KMT2B: variants seen among roughly 807,000 people sequenced by gnomAD.
KMT2B encodes the protein lysine methyltransferase 2B, also known as histone-lysine N-methyltransferase 2B.
KMT2B carries 22 observed loss-of-function variants against 255.3 expected under a neutral mutation model. That is an observed-to-expected ratio of 0.09 (90% CI 0.06 to 0.12). The LOEUF (loss-of-function observed/expected upper bound fraction) is 0.12, where lower values mean the gene tolerates loss of function less well. Ranked by LOEUF, KMT2B falls within the 10% of genes least tolerant of loss-of-function variation. The pLI, the probability that KMT2B is intolerant of heterozygous loss-of-function variation, is 1.00. For synonymous variants in KMT2B, 1,730 were observed against 1,498.1 expected (o/e 1.15, Z -3.57); for missense variants, 3,149 against 3,737.0 (o/e 0.84, Z 4.10).
Position 35,721,793 on chromosome 19 carries a change from G to A in KMT2B, c.2446G>A (p.Ala816Thr), listed in dbSNP as rs988492684. The A allele has an allele frequency of 6.3e-7, 1 of 1,588,400 alleles. No homozygotes were observed. The highest frequency in any genetic ancestry group is 1.3e-5 in the African/African-American group (1 of 74,750). The change falls in exon 3 of 37, where the codon GCT (alanine) becomes ACT (threonine). Residue 816 changes from alanine to threonine, a missense_variant. Transcript: ENST00000420124. ...IDQQQQQKVAASMPLSPGGQM... is the reference protein window; with the variant it reads ...IDQQQQQKVATSMPLSPGGQM... ...TCAGCAGCAGCAGCAGAAGGTGGCA[G>A]CTTCCATGCCGGTGAGTGTGGTCCC...
In KMT2B at chr19:35,732,145, G is replaced by C. The variant is rs781171331; in HGVS notation, c.5665+10G>C. The C allele has an allele frequency of 6.3e-7, 1 of 1,578,648 alleles. No individual in the cohort carries two copies. Among genetic ancestry groups the C allele is most frequent in the South Asian group, 1.1e-5 (1 of 87,058 alleles). ...CCCCTGCCCTCCCCTGGTGAGCACC[G>C]GGCATGTGGGGGTTGGGGGTGGAGC... On this transcript the variant is annotated intron_variant, in intron 27 of 36. Coordinates refer to ENST00000420124, the MANE Select transcript of KMT2B (RefSeq NM_014727.3).
At position 35,718,105 on chromosome 19, in the gene KMT2B, G is replaced by C. The variant is rs1344578041; in HGVS notation, c.87G>C (p.Gly29=). The C allele has an allele frequency of 1.4e-5, 14 of 993,092 alleles. No homozygotes were observed. Among genetic ancestry groups the C allele is most frequent in the African/African-American group, 1.8e-5 (1 of 56,892 alleles). 61.5% of individuals were successfully genotyped at this position (993,092 alleles called of 1,614,324 possible). The change falls in exon 1 of 37, where the codon GGG becomes GGC. Residue 29 remains glycine (G), a synonymous_variant. Coordinates refer to ENST00000420124, the MANE Select transcript of KMT2B (RefSeq NM_014727.3). The surrounding 1 kb of genome is among the most constrained non-coding windows in gnomAD (Gnocchi z 5.0). ...CGGGCCGGCCGCGGGGCGCCGGCGGGGGCGGGGGCCGCGGCGGACGGGGCA... is the reference window on the plus strand; with the variant it reads ...CGGGCCGGCCGCGGGGCGCCGGCGGCGGCGGGGGCCGCGGCGGACGGGGCA... ...RFPGRPRGAG[G]GGGRGGRGNG...
At chr19:35,729,889 ATGCAGACTCAG>A in intron 22 of KMT2B, 67 bp from the exon 23 acceptor site, 1 of 1,426,230 alleles carries the variant, frequency 7.0e-7, no homozygotes, top group Non-Finnish European at 9.5e-7. Flanking sequence ...ACAGGGACCC[ATGCAGACTCAG>A]TGACAGTGGT....
Position 35,727,799 on chromosome 19 carries a change from AC to A in KMT2B, c.4392+14del, listed in dbSNP as rs2146456398. Reference sequence around the variant, plus strand: ...ACTACAAGTCTGTGGTGAGTGGTACACCAGGAGGAGCAGGTGGGTGGCAGGA... The same window carrying A: ...ACTACAAGTCTGTGGTGAGTGGTACACAGGAGGAGCAGGTGGGTGGCAGGA... On this transcript the variant is annotated intron_variant, in intron 17 of 36. Transcript: ENST00000420124. The surrounding 1 kb of genome is among the most constrained non-coding windows in gnomAD (Gnocchi z 4.2). The A allele has an allele frequency of 1.2e-6, 2 of 1,613,760 alleles. No individual in the cohort carries two copies. The highest frequency in any genetic ancestry group is 4.5e-5 in the East Asian group (2 of 44,882).
chr19:35,718,945 G>A lies in KMT2B; in HGVS notation c.364-524G>A, dbSNP rs1969070637. 6.6e-6 allele frequency among the ~76,000 whole-genome samples: 1 copy of A among 152,186 alleles called. No individual in the cohort carries two copies. The highest frequency in any genetic ancestry group is 1.5e-5 in the Non-Finnish European group (1 of 68,028). ...AGCTCAGCTCAGGATTTCTCCCCCA[G>A]CCTTTCAGAACAGGCAGGAAGGTGT... is the stretch of plus-strand genomic sequence containing the variant. On this transcript the variant is annotated intron_variant, in intron 1 of 36. Coordinates refer to ENST00000420124, the MANE Select transcript of KMT2B (RefSeq NM_014727.3). The surrounding 1 kb of genome is among the most constrained non-coding windows in gnomAD (Gnocchi z 5.0).
chr19:35,718,166 G>C lies in KMT2B; in HGVS notation c.148G>C (p.Gly50Arg). The change falls in exon 1 of 37, where the codon GGC (glycine) becomes CGC (arginine). Residue 50 changes from glycine (G) to arginine (R), a missense_variant. Gly to Arg is a moderately radical substitution (Grantham distance 125, BLOSUM62 -2). Around this residue, in one of 18 missense-constraint regions of KMT2B, gnomAD observed 1,188 missense variants for 1,106.4 expected, o/e 1.07. Coordinates refer to ENST00000420124, the MANE Select transcript of KMT2B (RefSeq NM_014727.3). The surrounding 1 kb of genome is among the most constrained non-coding windows in gnomAD (Gnocchi z 5.0). The part of the protein sequence containing the change: ...AERVRVALRR[G>R]GGATGPGGAE... ...AAGAGTGCGGGTAGCTCTGCGGCGC[G>C]GCGGTGGCGCGACGGGGCCGGGCGG... 9.2e-7 allele frequency: 1 copy of C among 1,083,650 alleles called. No individual in the cohort carries two copies. The highest frequency in any genetic ancestry group is 1.1e-6 in the Non-Finnish European group (1 of 894,496). The allele number at this position is 1,083,650 out of a possible 1,614,324, so 67.1% of individuals were successfully genotyped here.
Position 35,725,023 on chromosome 19 carries a change from C to T in KMT2B, c.3464C>T (p.Pro1155Leu), listed in dbSNP as rs1365241170. The T allele has an allele frequency of 1.2e-6, 2 of 1,613,810 alleles. No homozygotes were observed. The highest frequency in any genetic ancestry group is 2.2e-5 in the South Asian group (2 of 91,082). The change falls in exon 10 of 37, where the codon CCC (proline) becomes CTC (leucine). Residue 1155 changes from proline (P) to leucine (L), a missense_variant. Around this residue, in one of 18 missense-constraint regions of KMT2B, gnomAD observed 136 missense variants for 137.3 expected, o/e 0.99. Coordinates refer to ENST00000420124, the MANE Select transcript of KMT2B (RefSeq NM_014727.3). The surrounding 1 kb of genome is among the most constrained non-coding windows in gnomAD (Gnocchi z 4.1). ...GCCCCTGGCCCCTTTGCTTCTTTTC[C>T]CAATGGCTGGACTGGAAAGCAGAAG... ...ALAPGPFASF[P>L]NGWTGKQKSP...
In KMT2B at chr19:35,721,606, A is replaced by G. The variant is rs747889042; in HGVS notation, c.2259A>G (p.Leu753=). Residue 753 remains leucine, a synonymous_variant, in exon 3 of 37, where the codon CTA becomes CTG. Transcript: ENST00000420124. The part of the protein sequence containing the change: ...ALQTQLLPQA[L]PPPQPQLQPP... Reference sequence around the variant, plus strand: ...AAACCCAGCTCCTGCCCCAGGCACTACCGCCACCACAGCCACAGCTGCAGC... The same window carrying G: ...AAACCCAGCTCCTGCCCCAGGCACTGCCGCCACCACAGCCACAGCTGCAGC... The G allele has an allele frequency of 5.0e-6, 8 of 1,609,294 alleles. No individual in the cohort carries two copies. Among genetic ancestry groups the G allele is most frequent in the African/African-American group, 2.7e-5 (2 of 74,884 alleles).
At chr19:35,726,488 G>A in intron 14 of KMT2B, 135 bp downstream of exon 14, 2 of 667,614 alleles carry the variant, frequency 3.0e-6, no homozygotes, top group Non-Finnish European at 5.5e-6. Context: ...TCAACTCAGG[G>A]AACTCTTCCA....
Position 35,723,913 on chromosome 19 carries a change from C to T in KMT2B, c.3240C>T (p.Val1080=), listed in dbSNP as rs1969319818. Residue 1080 remains valine, a synonymous_variant, in exon 8 of 37, where the codon GTC becomes GTT. Coordinates refer to ENST00000420124, the MANE Select transcript of KMT2B (RefSeq NM_014727.3). The surrounding 1 kb of genome is among the most constrained non-coding windows in gnomAD (Gnocchi z 7.5). ...LLQRKSARRC[V]KQRPSYDIFE... is the part of the protein sequence containing the mutation. ...AGCGCAAGTCAGCTCGGCGCTGCGT[C>T]AAACAGCGACCCTCCTATGATATCT... is the stretch of plus-strand genomic sequence containing the variant. The T allele has an allele frequency of 1.9e-6, 3 of 1,612,092 alleles. No individual in the cohort carries two copies. Among genetic ancestry groups the T allele is most frequent in the Non-Finnish European group, 2.5e-6 (3 of 1,179,596 alleles).
intron 9 of KMT2B, 68 bp downstream of exon 9, chr19:35,724,799 C>A (rs1167904150): frequency 7.2e-7 from 1 of 1,380,730 alleles, no homozygotes; most frequent in Non-Finnish European, 1.0e-6. Flanking sequence ...GTGACAGACA[C>A]ACCTGAGTGT....
Position 35,732,427 on chromosome 19 carries a change from C to A in KMT2B, c.5878C>A (p.Pro1960Thr). ...ALTPTSGELA[P>T]PGPAPSPPPP... is the part of the protein sequence containing the mutation. ...CACACCTACCTCAGGGGAGCTGGCT[C>A]CCCCTGGCCCGGCCCCATCTCCACC... Residue 1960 changes from proline to threonine, a missense_variant, in exon 28 of 37, where the codon CCC becomes ACC. Around this residue, in one of 18 missense-constraint regions of KMT2B, gnomAD observed 897 missense variants for 825.3 expected, o/e 1.09. Coordinates refer to ENST00000420124, the MANE Select transcript of KMT2B (RefSeq NM_014727.3). 2 of 1,613,652 alleles carry A rather than the reference C, an allele frequency of 1.2e-6. No individual in the cohort carries two copies. The highest frequency in any genetic ancestry group is 1.1e-5 in the South Asian group (1 of 91,074).
At chr19:35,735,049 C>T (rs1002772085) in intron 30 of KMT2B, among the ~76,000 whole-genome samples, 3 of 152,052 alleles carry the variant, frequency 2.0e-5, no homozygotes, top group South Asian at 2.1e-4. Flanking sequence ...ACTGAGAAAC[C>T]GAGCAGTGAG....
In KMT2B at chr19:35,720,472, C is replaced by T. The variant is rs1969140678; in HGVS notation, c.1125C>T (p.Asp375=). 1 of 1,551,740 alleles carries T rather than the reference C, an allele frequency of 6.4e-7. No individual in the cohort carries two copies. The highest frequency in any genetic ancestry group is 1.4e-5 in the African/African-American group (1 of 72,970). Residue 375 remains aspartate, a synonymous_variant, in exon 3 of 37, where the codon GAC becomes GAT. Transcript: ENST00000420124. ...EEEKKEEEEK[D]KEGEEKEERA... ...AGAAGAAAGAAGAAGAAGAAAAAGA[C>T]AAGGAGGGAGAAGAGAAGGAAGAAA...
intron 19 of KMT2B, 122 bp from the exon 20 acceptor site, chr19:35,728,650 TGA>T: frequency 2.8e-6 from 2 of 718,312 alleles, no homozygotes; most frequent in Admixed American, 2.1e-5. Context: ...TTTGGTGGAC[TGA>T]GAGAAATTCC....
chr19:35,727,471 A>G lies in KMT2B; in HGVS notation c.4151A>G (p.Asp1384Gly). ...TACGAGATCCTTTCAGGACTGCCAGACTCGGTGCTGTACACCTGCGGACCG... is the reference window on the plus strand; with the variant it reads ...TACGAGATCCTTTCAGGACTGCCAGGCTCGGTGCTGTACACCTGCGGACCG... ...EDYEILSGLP[D>G]SVLYTCGPCA... is the part of the protein sequence containing the mutation. The change falls in exon 16 of 37, where the codon GAC becomes GGC. Residue 1384 changes from aspartate to glycine, a missense_variant. Around this residue, in one of 18 missense-constraint regions of KMT2B, gnomAD observed 377 missense variants for 471.0 expected, o/e 0.80. Transcript: ENST00000420124. The surrounding 1 kb of genome is among the most constrained non-coding windows in gnomAD (Gnocchi z 4.2). 6.2e-7 allele frequency: 1 copy of G among 1,612,594 alleles called. No homozygotes were observed. The highest frequency in any genetic ancestry group is 8.5e-7 in the Non-Finnish European group (1 of 1,179,792).
chr19:35,723,762 G>T lies in KMT2B; in HGVS notation c.3089G>T (p.Trp1030Leu), dbSNP rs2146445898. 6.5e-7 allele frequency: 1 copy of T among 1,549,534 alleles called. No individual in the cohort carries two copies. The highest frequency in any genetic ancestry group is 1.2e-5 in the South Asian group (1 of 84,564). The part of the protein sequence containing the change: ...GRTIVKTLLP[W>L]DSDESPEASP... ...ACGATAGTGAAGACGCTGTTGCCCT[G>T]GGATTCCGATGAATCTCCTGAGGCC... The change falls in exon 8 of 37, where the codon TGG (tryptophan) becomes TTG (leucine). Residue 1030 changes from tryptophan (W) to leucine (L), a missense_variant. Physicochemically the swap from Trp to Leu is moderately conservative, Grantham distance 61. Around this residue, in one of 18 missense-constraint regions of KMT2B, gnomAD observed 50 missense variants for 71.9 expected, o/e 0.70. Coordinates refer to ENST00000420124, the MANE Select transcript of KMT2B (RefSeq NM_014727.3). The surrounding 1 kb of genome is among the most constrained non-coding windows in gnomAD (Gnocchi z 7.5).
rs75055738 is a variant in KMT2B at position 35,729,395 on chromosome 19, C to G, written c.4917+99C>G. The G allele has an allele frequency of 3.7e-3, 5,408 of 1,445,562 alleles. 317 individuals carry two copies. The East Asian group carries it at 0.12, about 32-fold the overall frequency. The allele number at this position is 1,445,562 out of a possible 1,614,324, so 89.5% of individuals were successfully genotyped here. The stretch of plus-strand genomic sequence containing the variant: ...TACTTCACATTCCCTACCTGGCATC[C>G]TTTCACTGCCAGGCTGAGGTCTCTT... On this transcript the variant is annotated intron_variant, in intron 22 of 36. Transcript: ENST00000420124.
In KMT2B at chr19:35,726,946, T is replaced by C. The variant is rs576800088; in HGVS notation, c.4004-210T>C. ...TTGCAGTGAGCGGAGATCTTGCCAC[T>C]GCACTCTAGCCTGGGTGACAGAGCA... On this transcript the variant is annotated intron_variant, in intron 14 of 36. Coordinates refer to ENST00000420124, the MANE Select transcript of KMT2B (RefSeq NM_014727.3). 1.4e-4 allele frequency among the ~76,000 whole-genome samples: 20 copies of C among 140,288 alleles called. No homozygotes were observed. In the South Asian group the frequency reaches 4.5e-3, roughly 32 times the overall value. The allele number at this position is 140,288 out of a possible 152,430, so 92.0% of individuals were successfully genotyped here. A position where few individuals can be genotyped will look rare whatever the true frequency, so the allele number is the denominator to read the frequency against.
Sources: allele counts gnomAD v4.1 joint callset (sites outside exome capture counted in the v4.1 genomes callset), GRCh38; gene constraint gnomAD v4.1.1; regional missense constraint gnomAD v4.1.1; non-coding constraint Gnocchi (gnomAD v3.1); transcripts MANE v1.5; gene names NCBI Gene and HGNC (gene_info 2026-07-23, HGNC 2026-07-21).